The following NTRK3 variants were observed in gnomAD, a reference collection of about 807,000 sequenced individuals.
NTRK3 encodes the protein neurotrophic receptor tyrosine kinase 3, also known as NT-3 growth factor receptor.
In NTRK3, 24 loss-of-function variants were observed where a neutral mutation model predicts 91.7. The ratio of observed to expected loss-of-function variants is 0.26; its 90% confidence interval spans 0.19 to 0.37. The LOEUF (loss-of-function observed/expected upper bound fraction) is 0.37. NTRK3 is among the 10% of genes least tolerant of loss of function. The pLI, the probability that NTRK3 is intolerant of heterozygous loss-of-function variation, is 1.00. For synonymous variants in NTRK3, 483 were observed against 404.0 expected (o/e 1.20, Z -2.34); for missense variants, 880 against 1,068.9 (o/e 0.82, Z 2.46).
chr15:88,027,358 A>ATTTTCC, intron 14 of NTRK3, among the ~76,000 whole-genome samples: 1 of 152,182 alleles, frequency 6.6e-6, no homozygotes, highest in Non-Finnish European at 1.5e-5. Context: ...AATCAATAGT[A>ATTTTCC]TTTTCCTTTT....
At chr15:88,138,045 G>A (rs759201476) in intron 6 of NTRK3, among the ~76,000 whole-genome samples, 25 of 150,290 alleles carry the variant, frequency 1.7e-4, no homozygotes, top group Admixed American at 6.7e-4. Flanking sequence ...GCGAGATTCC[G>A]TCTCAAAAAT....
chr15:88,077,174 G>T (rs575621121), intron 13 of NTRK3, among the ~76,000 whole-genome samples: 1 of 152,258 alleles, frequency 6.6e-6, no homozygotes, highest in East Asian at 1.9e-4. Context: ...CAGTTGGATG[G>T]ATATAAATAT....
chr15:87,999,174 C>G (rs1340719122), intron 14 of NTRK3, among the ~76,000 whole-genome samples: 1 of 152,172 alleles, frequency 6.6e-6, no homozygotes, highest in African/African-American at 2.4e-5. Context: ...AACAAACACC[C>G]CTAAGAGGTG....
At chr15:88,033,829 G>A (rs1365568389) in intron 13 of NTRK3, among the ~76,000 whole-genome samples, 8 of 152,194 alleles carry the variant, frequency 5.3e-5, no homozygotes, top group Non-Finnish European at 8.8e-5. Flanking sequence ...TTTTAAATAC[G>A]TTTATTTTCT....
At position 88,137,416 on chromosome 15, in the gene NTRK3, T is replaced by A. The variant is rs531943165; in HGVS notation, c.610A>T (p.Ile204Phe). Residue 204 changes from isoleucine to phenylalanine, a missense_variant, in exon 7 of 19, where the codon ATC (isoleucine) becomes TTC (phenylalanine). Ile to Phe is a conservative substitution (Grantham distance 21, BLOSUM62 0). Transcript: ENST00000394480. ...GCCACTCACTCACCACACTGACTGATGTTCATGCGGAAGAGAGGAAGCTGG... is the reference window on the plus strand; with the variant it reads ...GCCACTCACTCACCACACTGACTGAAGTTCATGCGGAAGAGAGGAAGCTGG... The A allele has an allele frequency of 1.9e-6, 3 of 1,613,904 alleles. No homozygotes were observed. The South Asian group carries it at 3.3e-5, about 18-fold the overall frequency.
intron 13 of NTRK3, among the ~76,000 whole-genome samples, chr15:88,079,729 C>T (rs1190358654): frequency 1.3e-5 from 2 of 152,150 alleles, no homozygotes; most frequent in Non-Finnish European, 2.9e-5. Flanking sequence ...AAAGGACAGT[C>T]ATCAATACAT....
chr15:88,127,205 G>C, exon 12 of NTRK3: 2 of 1,614,046 alleles, frequency 1.2e-6, no homozygotes, highest in Non-Finnish European at 1.7e-6. Context: ...AGTGATAGGA[G>C]GTGTGGGACT....
intron 17 of NTRK3, among the ~76,000 whole-genome samples, chr15:87,922,231 C>T (rs1305912403): frequency 6.6e-6 from 1 of 152,226 alleles, no homozygotes; most frequent in Admixed American, 6.5e-5. Flanking sequence ...CTGAGAGTTT[C>T]TCCCGACTTG....
At chr15:88,002,891 G>A (rs1181770087) in intron 14 of NTRK3, among the ~76,000 whole-genome samples, 1 of 152,050 alleles carries the variant, frequency 6.6e-6, no homozygotes, top group Non-Finnish European at 1.5e-5. Flanking sequence ...GGAAGCCTGG[G>A]GAGTGGGGAC....
chr15:88,175,212 C>T (rs2045886679), intron 5 of NTRK3, among the ~76,000 whole-genome samples: 1 of 152,200 alleles, frequency 6.6e-6, no homozygotes. Context: ...CAGAGGTCAG[C>T]TGTGGCTTTG....
At chr15:87,884,132 T>C (rs916535757) in intron 17 of NTRK3, among the ~76,000 whole-genome samples, 1 of 127,666 alleles carries the variant, frequency 7.8e-6, no homozygotes, top group Non-Finnish European at 1.8e-5. Flanking sequence ...AAATCAGAAT[T>C]GATCTACACA....
intron 14 of NTRK3, among the ~76,000 whole-genome samples, chr15:88,013,469 G>T (rs1324856668): frequency 6.6e-6 from 1 of 152,210 alleles, no homozygotes; most frequent in African/African-American, 2.4e-5. Context: ...TGCAAGAAGA[G>T]TCCCAGTGTG....
intron 3 of NTRK3, among the ~76,000 whole-genome samples, chr15:88,217,881 C>T (rs2049926071): frequency 1.3e-5 from 2 of 152,114 alleles, no homozygotes; most frequent in Admixed American, 1.3e-4. Context: ...GCCTCAGCCT[C>T]CCGAGTAGCT....
chr15:87,926,910 C>A (rs1436253130), intron 17 of NTRK3: 1 of 152,202 alleles, frequency 6.6e-6, no homozygotes, highest in East Asian at 1.9e-4. Context: ...GTCAGACAGA[C>A]CAGCAAACCC....
chr15:88,242,693 C>G (rs535941447), intron 3 of NTRK3, among the ~76,000 whole-genome samples: 2 of 152,314 alleles, frequency 1.3e-5, no homozygotes, highest in South Asian at 4.1e-4. Context: ...CTCTCCTCCT[C>G]TTTGGGTCCC....
rs186335978 is a variant in NTRK3, at chr15:88,159,672, A to G, written c.396-12269T>C. Among the ~76,000 whole-genome samples, 221 of 152,302 alleles carry G rather than the reference A, an allele frequency of 1.5e-3. 1 individual carries two copies. Among genetic ancestry groups the G allele is most frequent in the African/African-American group, 5.0e-3 (206 of 41,576 alleles). On this transcript the variant is annotated intron_variant, in intron 5 of 18. Transcript: ENST00000394480. The stretch of plus-strand genomic sequence containing the variant: ...AAGAGTCATGTGAGCAGATGAAAAG[A>G]GATGCCCTGTCAGGGAGCCGAGGGA...
intron 3 of NTRK3, among the ~76,000 whole-genome samples, chr15:88,217,710 T>A (rs911940070): frequency 2.0e-5 from 3 of 152,168 alleles, no homozygotes. Context: ...GTTGCTGAGC[T>A]GTACACTTAA....
In NTRK3 at chr15:88,231,397, T is replaced by A. The variant is rs2051166139; in HGVS notation, c.248+24509A>T. Among the ~76,000 whole-genome samples, 3 of 152,118 alleles carry A rather than the reference T, an allele frequency of 2.0e-5. 1 individual carries two copies. In the South Asian group the frequency reaches 6.2e-4, roughly 32 times the overall value. On this transcript the variant is annotated intron_variant, in intron 3 of 18. Coordinates refer to ENST00000394480, the Ensembl canonical transcript of NTRK3. ...CTCCACTATTTGCTTCTCCTCTTCC[T>A]CAATCTGTGTCACTTTCAGATTCTC...
At chr15:88,094,056 C>G (rs546585608) in intron 13 of NTRK3, among the ~76,000 whole-genome samples, 1 of 152,202 alleles carries the variant, frequency 6.6e-6, no homozygotes, top group South Asian at 2.1e-4. Context: ...GGGATGCACT[C>G]TCACTCCTCC....
Sources: gnomAD v4.1 joint callset for allele counts (sites outside exome capture counted in the v4.1 genomes callset) on GRCh38, gnomAD v4.1.1 for gene constraint, MANE v1.5 for transcripts, NCBI Gene and HGNC (gene_info 2026-07-23, HGNC 2026-07-21) for gene names.